Variants in KRAS observed in about 807,000 individuals in gnomAD.
KRAS encodes the protein GTPase KRas.
Under a neutral mutation model 21.0 loss-of-function variants are expected in KRAS, and 1 was observed. The ratio of observed to expected loss-of-function variants is 0.05; its 90% confidence interval spans 0.02 to 0.23. The LOEUF (loss-of-function observed/expected upper bound fraction) is 0.23. Among genes scored for constraint, KRAS ranks in the 10% least tolerant of loss-of-function variants. The pLI, the probability that KRAS is intolerant of heterozygous loss-of-function variation, is 1.00. For synonymous variants in KRAS, 67 were observed against 72.5 expected (o/e 0.92, Z 0.39); for missense variants, 107 against 221.8 (o/e 0.48, Z 3.29).
At chr12:25,236,760 A>T (rs575283092) in intron 2 of KRAS, among the ~76,000 whole-genome samples, 1 of 152,156 alleles carries the variant, frequency 6.6e-6, no homozygotes, top group African/African-American at 2.4e-5. Context: ...GAAAAGATTA[A>T]ATAGATTTGA....
intron 4 of KRAS, among the ~76,000 whole-genome samples, chr12:25,222,497 T>C (rs1951339497): frequency 6.6e-6 from 1 of 152,160 alleles, no homozygotes. Context: ...ATTTATAGTT[T>C]AGCAACATAA....
At chr12:25,240,455 A>G (rs61761088) in intron 2 of KRAS, among the ~76,000 whole-genome samples, 1,893 of 152,330 alleles carry the variant, frequency 0.012, 22 homozygotes, top group Middle Eastern at 0.027. Flanking sequence ...CCATGTACTG[A>G]GTACTACGTT....
At chr12:25,224,416 A>AAAAAGTTT (rs1951365127) in intron 4 of KRAS, among the ~76,000 whole-genome samples, 1 of 152,102 alleles carries the variant, frequency 6.6e-6, no homozygotes, top group South Asian at 2.1e-4. Context: ...GTTTTTAACA[A>AAAAAGTTT]AAAAGTTTAA....
chr12:25,248,029 G>A (rs909923706), intron 1 of KRAS, among the ~76,000 whole-genome samples: 2 of 151,446 alleles, frequency 1.3e-5, no homozygotes, highest in African/African-American at 2.4e-5. Context: ...TTTAATCCTG[G>A]ATTTTTTTTT....
intron 4 of KRAS, among the ~76,000 whole-genome samples, chr12:25,216,499 T>G (rs1951257545): frequency 6.6e-6 from 1 of 152,136 alleles, no homozygotes; most frequent in African/African-American, 2.4e-5. Context: ...GGTCTCAAAC[T>G]CCTGAGCACA....
chr12:25,238,231 C>T (rs1277310287), intron 2 of KRAS, among the ~76,000 whole-genome samples: 1 of 152,090 alleles, frequency 6.6e-6, no homozygotes, highest in East Asian at 1.9e-4. Flanking sequence ...TCTGAATGAA[C>T]TCAAGGAAAA....
At chr12:25,212,255 T>A (rs1477433832) in intron 4 of KRAS, among the ~76,000 whole-genome samples, 1 of 152,146 alleles carries the variant, frequency 6.6e-6, no homozygotes, top group Admixed American at 6.5e-5. Context: ...TGAAGAAAAA[T>A]GCCAATGGTA....
chr12:25,215,425 A>G (rs755085771), intron 4 of KRAS: 1 of 1,613,258 alleles, frequency 6.2e-7, no homozygotes, highest in East Asian at 2.2e-5. Context: ...AATGTGCTGA[A>G]CTTAAACTTA....
chr12:25,230,469 A>G (rs1251504510), intron 2 of KRAS, among the ~76,000 whole-genome samples: 1 of 152,100 alleles, frequency 6.6e-6, no homozygotes, highest in Non-Finnish European at 1.5e-5. Context: ...TCTCTACTAA[A>G]CATACAAAAT....
At chr12:25,229,210 A>C (rs1024616349) in intron 2 of KRAS, among the ~76,000 whole-genome samples, 3 of 152,244 alleles carry the variant, frequency 2.0e-5, no homozygotes, top group Non-Finnish European at 4.4e-5. Context: ...TTGACAAAAC[A>C]AAATAATTTC....
chr12:25,231,092 CTTTTTTT>C (rs34361223), intron 2 of KRAS, among the ~76,000 whole-genome samples: 2 of 66,390 alleles, frequency 3.0e-5, no homozygotes, highest in East Asian at 4.6e-4. Flanking sequence ...ACCTCACATT[CTTTTTTT>C]TTTTTTTTTT....
At chr12:25,213,716 T>C (rs1160600804) in intron 4 of KRAS, among the ~76,000 whole-genome samples, 3 of 152,228 alleles carry the variant, frequency 2.0e-5, no homozygotes, top group East Asian at 1.9e-4. Flanking sequence ...ATAATAAATG[T>C]AGTAGTTTTT....
At chr12:25,239,334 A>G (rs1480255056) in intron 2 of KRAS, among the ~76,000 whole-genome samples, 3 of 152,160 alleles carry the variant, frequency 2.0e-5, no homozygotes, top group African/African-American at 7.2e-5. Flanking sequence ...AAGAAAACTT[A>G]ATTTTTATGC....
In KRAS at chr12:25,225,713, T is replaced by C. The variant is rs770248150; in HGVS notation, c.351A>G (p.Lys117=). Residue 117 remains lysine (K), a synonymous_variant, in exon 4 of 5, where the codon AAA becomes AAG. Transcript: ENST00000311936. ...CTACTGTTCTAGAAGGCAAATCACA[T>C]TTATTTCCTACTAGGACCATAGGTA... ...EDVPMVLVGN[K]CDLPSRTVDT... 1 of 1,613,260 alleles carries C rather than the reference T, an allele frequency of 6.2e-7. No individual in the cohort carries two copies. The highest frequency in any genetic ancestry group is 8.5e-7 in the Non-Finnish European group (1 of 1,179,506).
In KRAS at chr12:25,208,585, A is replaced by G. The variant is rs1951167913; in HGVS notation, c.*1210T>C. 4.3e-6 allele frequency: 1 copy of G among 233,312 alleles called. No homozygotes were observed. Among genetic ancestry groups the G allele is most frequent in the Non-Finnish European group, 8.5e-6 (1 of 117,846 alleles). 14.5% of individuals were successfully genotyped at this position (233,312 alleles called of 1,614,324 possible). A position where few individuals can be genotyped will look rare whatever the true frequency, so the allele number is the denominator to read the frequency against. The stretch of plus-strand genomic sequence containing the variant: ...TTAATATTTAAAAGTAATTTTTAAA[A>G]AAGAGTTTGTTTTCTTAAGAAACAA... On this transcript the variant is annotated 3_prime_UTR_variant, in exon 5 of 5. Coordinates refer to ENST00000311936, the MANE Select transcript of KRAS (RefSeq NM_004985.5).
At chr12:25,240,945 C>T (rs751713413) in intron 2 of KRAS, among the ~76,000 whole-genome samples, 4 of 152,186 alleles carry the variant, frequency 2.6e-5, no homozygotes, top group South Asian at 2.1e-4. Flanking sequence ...TGCACTTTCA[C>T]AATTTGCCAC....
chr12:25,214,387 CTTTTTTTT>C (rs143313927), intron 4 of KRAS, among the ~76,000 whole-genome samples: 1 of 140,032 alleles, frequency 7.1e-6, no homozygotes, highest in Non-Finnish European at 1.5e-5. Context: ...GCTAAAATGA[CTTTTTTTT>C]TTTTTTTTTG....
chr12:25,250,536 C>T (rs942559468), intron 1 of KRAS, among the ~76,000 whole-genome samples: 3 of 152,166 alleles, frequency 2.0e-5, no homozygotes, highest in Admixed American at 6.5e-5. Context: ...CCTCCTCAGC[C>T]CCGCACCGCC....
chr12:25,231,274 G>C (rs756331655), intron 2 of KRAS, among the ~76,000 whole-genome samples: 7 of 151,712 alleles, frequency 4.6e-5, no homozygotes, highest in Non-Finnish European at 7.4e-5. Flanking sequence ...GCTAATTTTT[G>C]TATTTTTAGT....
Sources: allele counts gnomAD v4.1 joint callset (sites outside exome capture counted in the v4.1 genomes callset), GRCh38; gene constraint gnomAD v4.1.1; transcripts MANE v1.5; gene names NCBI Gene and HGNC (gene_info 2026-07-23, HGNC 2026-07-21).